PRIM2: variants seen among roughly 807,000 people sequenced by gnomAD.
PRIM2 encodes DNA primase subunit 2, also known as DNA primase large subunit.
PRIM2 carries 39 observed loss-of-function variants against 67.3 expected under a neutral mutation model. The observed-to-expected ratio is 0.58, with a 90% CI of 0.45 to 0.76. PRIM2 has a LOEUF of 0.76. Among genes scored for constraint, PRIM2 ranks in the 30% least tolerant of loss-of-function variants. The pLI, the probability that PRIM2 is intolerant of heterozygous loss-of-function variation, is 0.00. For missense variants in PRIM2, 398 were observed against 598.7 expected, an observed-to-expected ratio of 0.66 and a Z score of 3.50; for synonymous variants, 143 against 198.7, an observed-to-expected ratio of 0.72 and a Z score of 2.36.
intron 7 of PRIM2, among the ~76,000 whole-genome samples, chr6:57,397,300 T>C (rs112467062): frequency 8.5e-5 from 13 of 152,304 alleles, no homozygotes; most frequent in African/African-American, 2.2e-4. Flanking sequence ...TCAGGAACAC[T>C]GATTATTCTT....
intron 10 of PRIM2, among the ~76,000 whole-genome samples, chr6:57,599,928 C>G (rs1776430217): frequency 6.6e-6 from 1 of 152,176 alleles, no homozygotes; most frequent in African/African-American, 2.4e-5. Context: ...GCTGAGATGA[C>G]AGGTGCATGC....
chr6:57,579,700 A>C (rs1181283810), intron 10 of PRIM2, among the ~76,000 whole-genome samples: 1 of 152,230 alleles, frequency 6.6e-6, no homozygotes. Context: ...TTAATATGCT[A>C]TGAGTAACCA....
chr6:57,458,109 T>A (rs1213382260), intron 7 of PRIM2, among the ~76,000 whole-genome samples: 1 of 152,234 alleles, frequency 6.6e-6, no homozygotes, highest in African/African-American at 2.4e-5. Flanking sequence ...AGCTAACTTA[T>A]GTTGAAATAA....
chr6:57,375,580 C>A (rs577389211), intron 5 of PRIM2, among the ~76,000 whole-genome samples: 2 of 151,760 alleles, frequency 1.3e-5, no homozygotes, highest in South Asian at 4.2e-4. Flanking sequence ...GATGCTGACC[C>A]TTCCTCTGTT....
the PRIM2 span, among the ~76,000 whole-genome samples, chr6:57,285,316 C>CA: frequency 1.6e-3 from 237 of 152,022 alleles, 2 homozygotes; most frequent in African/African-American, 5.5e-3. Context: ...GCAGACACAA[C>CA]AAAAAAAGAG....
At chr6:57,480,671 C>T (rs1773599596) in intron 7 of PRIM2, among the ~76,000 whole-genome samples, 1 of 152,164 alleles carries the variant, frequency 6.6e-6, no homozygotes, top group Non-Finnish European at 1.5e-5. Context: ...ACTCTGTCGC[C>T]AGGCTGGAGT....
chr6:57,287,694 G>A, the PRIM2 span, among the ~76,000 whole-genome samples: 1 of 151,842 alleles, frequency 6.6e-6, no homozygotes, highest in African/African-American at 2.4e-5. Flanking sequence ...GTTGATAGGT[G>A]CAGGAAAACA....
At chr6:57,393,000 T>TTTTATA (rs1554333683) in intron 7 of PRIM2, among the ~76,000 whole-genome samples, 4 of 149,964 alleles carry the variant, frequency 2.7e-5, no homozygotes, top group African/African-American at 9.9e-5. Flanking sequence ...GTATTCCTTA[T>TTTTATA]TATATATATA....
intron 5 of PRIM2, among the ~76,000 whole-genome samples, chr6:57,331,388 A>G (rs757452034): frequency 1.8e-4 from 27 of 152,080 alleles, no homozygotes; most frequent in Middle Eastern, 3.4e-3. Flanking sequence ...TGTGATGTCT[A>G]TATCTGGTTT....
At chr6:57,430,116 TGTTA>T (rs1771768059) in intron 7 of PRIM2, among the ~76,000 whole-genome samples, 1 of 152,100 alleles carries the variant, frequency 6.6e-6, no homozygotes, top group South Asian at 2.1e-4. Flanking sequence ...GACTGTGAAT[TGTTA>T]GTTCAGTCAC....
the PRIM2 span, among the ~76,000 whole-genome samples, chr6:57,285,558 G>A: frequency 1.3e-5 from 2 of 152,132 alleles, no homozygotes; most frequent in African/African-American, 2.4e-5. Flanking sequence ...AGAGGCCTTC[G>A]ATAAAATTCA....
At chr6:57,471,917 A>G (rs1402903549) in intron 7 of PRIM2, among the ~76,000 whole-genome samples, 16 of 152,352 alleles carry the variant, frequency 1.1e-4, no homozygotes, top group Non-Finnish European at 2.2e-4. Flanking sequence ...TAAACTTTTA[A>G]AAGATGAAAG....
intron 10 of PRIM2, among the ~76,000 whole-genome samples, chr6:57,542,294 T>G (rs1285089743): frequency 1.3e-5 from 2 of 152,130 alleles, no homozygotes; most frequent in East Asian, 1.9e-4. Flanking sequence ...TGAGCTGGGT[T>G]GTTTTGAAGT....
At chr6:57,611,438 G>A (rs1189206673) in intron 12 of PRIM2, among the ~76,000 whole-genome samples, 5 of 152,082 alleles carry the variant, frequency 3.3e-5, no homozygotes, top group Admixed American at 1.3e-4. Flanking sequence ...AGATTAATTG[G>A]ACAGAATAGA....
At chr6:57,355,127 A>G (rs1439963256) in intron 5 of PRIM2, among the ~76,000 whole-genome samples, 1 of 152,284 alleles carries the variant, frequency 6.6e-6, no homozygotes, top group Non-Finnish European at 1.5e-5. Context: ...AGCATGGTGA[A>G]ATCCCGTCTC....
intron 5 of PRIM2, among the ~76,000 whole-genome samples, chr6:57,362,076 C>G (rs2127313439): frequency 6.6e-6 from 1 of 152,220 alleles, no homozygotes. Flanking sequence ...TTCTGAGGAA[C>G]TAAAAATATT....
intron 2 of PRIM2, 34 bp from the exon 3 acceptor site, chr6:57,320,420 CATT>C: frequency 2.1e-6 from 3 of 1,395,602 alleles, no homozygotes; most frequent in Non-Finnish European, 2.9e-6. Context: ...AGTTTTAAAA[CATT>C]ATCTTGCATT....
chr6:57,353,456 C>A (rs1217029081), intron 5 of PRIM2, among the ~76,000 whole-genome samples: 5 of 152,154 alleles, frequency 3.3e-5, no homozygotes, highest in African/African-American at 1.2e-4. Context: ...TTGCTGTATA[C>A]CACTTAAAAT....
chr6:57,345,766 C>T (rs910301554), intron 5 of PRIM2, among the ~76,000 whole-genome samples: 4 of 151,910 alleles, frequency 2.6e-5, no homozygotes, highest in African/African-American at 7.3e-5. Flanking sequence ...GCAGAGTAGC[C>T]CTACGGGCTG....
Sources: gnomAD v4.1 joint callset for allele counts (sites outside exome capture counted in the v4.1 genomes callset) on GRCh38, gnomAD v4.1.1 for gene constraint, MANE v1.5 for transcripts, NCBI Gene and HGNC (gene_info 2026-07-23, HGNC 2026-07-21) for gene names.